The following DOCK10 variants were observed in gnomAD, a reference collection of about 807,000 sequenced individuals.
DOCK10 encodes the protein dedicator of cytokinesis protein 10.
In DOCK10, 145 loss-of-function variants were observed where a neutral mutation model predicts 280.1. That is an observed-to-expected ratio of 0.52 (90% CI 0.45 to 0.59). The LOEUF (loss-of-function observed/expected upper bound fraction) is 0.59, where lower values mean the gene tolerates loss of function less well. Among genes scored for constraint, DOCK10 ranks in the 20% least tolerant of loss-of-function variants. The probability of loss-of-function intolerance (pLI) is 0.00; values close to 1 mark genes in which losing one functional copy is unlikely to be tolerated. For missense variants in DOCK10, 2,368 were observed against 2,651.7 expected (o/e 0.89, Z 2.35); for synonymous variants, 915 against 942.2 (o/e 0.97, Z 0.53).
intron 1 of DOCK10, among the ~76,000 whole-genome samples, chr2:224,964,581 T>C (rs935689099): frequency 4.6e-5 from 7 of 152,200 alleles, no homozygotes; most frequent in African/African-American, 1.7e-4. Context: ...TATAGCTCAC[T>C]GCAGCCTCGA....
chr2:225,036,966 C>G (rs972534697), intron 1 of DOCK10, among the ~76,000 whole-genome samples: 2 of 151,016 alleles, frequency 1.3e-5, no homozygotes, highest in Non-Finnish European at 2.9e-5. Context: ...GTTGTCATCT[C>G]ACATGCATCT....
At chr2:225,007,891 G>A (rs992920039) in intron 1 of DOCK10, among the ~76,000 whole-genome samples, 4 of 152,086 alleles carry the variant, frequency 2.6e-5, no homozygotes, top group Non-Finnish European at 4.4e-5. Flanking sequence ...AAAGAATTAC[G>A]CCTAATTGTG....
chr2:224,971,389 G>A (rs752705550), intron 1 of DOCK10, among the ~76,000 whole-genome samples: 2 of 151,842 alleles, frequency 1.3e-5, no homozygotes, highest in Non-Finnish European at 2.9e-5. Context: ...GAGAGGAGGT[G>A]GGTGGAATGG....
chr2:224,941,906 T>C (rs1037432723), intron 1 of DOCK10, among the ~76,000 whole-genome samples: 1 of 151,368 alleles, frequency 6.6e-6, no homozygotes, highest in African/African-American at 2.4e-5. Flanking sequence ...TAAGGAACCA[T>C]ATAATGAATG....
chr2:224,961,521 T>G (rs1704448780), intron 1 of DOCK10, among the ~76,000 whole-genome samples: 1 of 149,864 alleles, frequency 6.7e-6, no homozygotes, highest in Non-Finnish European at 1.5e-5. Context: ...TTCATTTTTT[T>G]TTTTGAGACG....
At chr2:224,931,502 G>A (rs2126022373) in intron 2 of DOCK10, 47 bp downstream of exon 2, 1 of 1,557,836 alleles carries the variant, frequency 6.4e-7, no homozygotes, top group African/African-American at 1.4e-5. Context: ...ATGACCCAAT[G>A]TGTAGGGCCC....
At chr2:224,871,869 A>G (rs896419678) in intron 11 of DOCK10, among the ~76,000 whole-genome samples, 2 of 152,186 alleles carry the variant, frequency 1.3e-5, no homozygotes, top group African/African-American at 2.4e-5. Flanking sequence ...AGAACTTTGC[A>G]TAATGTGCAC....
At position 224,886,448 on chromosome 2, in the gene DOCK10, T is replaced by C; in HGVS notation, c.489+11A>G. The stretch of plus-strand genomic sequence containing the variant: ...ATGTTTTAAACATCTCACTTTCAAC[T>C]ATTTACTTACTTCATCCTTATCAGC... On this transcript the variant is annotated intron_variant, in intron 5 of 55. Coordinates refer to ENST00000258390, the MANE Select transcript of DOCK10 (RefSeq NM_014689.3). The C allele has an allele frequency of 6.2e-7, 1 of 1,604,022 alleles. No individual in the cohort carries two copies. The highest frequency in any genetic ancestry group is 1.7e-4 in the Middle Eastern group (1 of 6,034).
chr2:224,983,883 C>T (rs1705876334), intron 1 of DOCK10: 1 of 471,054 alleles, frequency 2.1e-6, no homozygotes, highest in South Asian at 1.5e-5. Context: ...ATTTGTCAGA[C>T]TGCCCGGGTG....
At chr2:224,846,695 C>T (rs1696378521) in intron 19 of DOCK10, among the ~76,000 whole-genome samples, 1 of 152,140 alleles carries the variant, frequency 6.6e-6, no homozygotes, top group South Asian at 2.1e-4. Flanking sequence ...TAGGGTTTCA[C>T]CATGTTGGCC....
Position 224,773,274 on chromosome 2 carries a change from A to G in DOCK10, c.6087T>C (p.Ile2029=). 6.2e-7 allele frequency: 1 copy of G among 1,613,936 alleles called. No individual in the cohort carries two copies. The highest frequency in any genetic ancestry group is 1.1e-5 in the South Asian group (1 of 91,074). The change falls in exon 53 of 56, where the codon ATT becomes ATC. Residue 2029 remains isoleucine (I), a synonymous_variant. Transcript: ENST00000258390. ...ISQSSTELNP[I]EVAIDEMSKK... is the part of the protein sequence containing the mutation. ...TGGACATCTCGTCAATTGCCACTTC[A>G]ATTGGATTCAGTTCTGTGCTCGATT...
At chr2:225,003,386 C>T (rs1450921219) in intron 1 of DOCK10, among the ~76,000 whole-genome samples, 1 of 152,146 alleles carries the variant, frequency 6.6e-6, no homozygotes, top group Admixed American at 6.5e-5. Flanking sequence ...TAAACATCCC[C>T]ATGGAGATCC....
intron 45 of DOCK10, among the ~76,000 whole-genome samples, chr2:224,794,112 G>C (rs1559417467): frequency 6.6e-6 from 1 of 152,198 alleles, no homozygotes; most frequent in Non-Finnish European, 1.5e-5. Context: ...CATTTTCAGA[G>C]CAGCCCAAGG....
At chr2:224,766,094 A>G (rs1690065796) in intron 55 of DOCK10, among the ~76,000 whole-genome samples, 1 of 152,212 alleles carries the variant, frequency 6.6e-6, no homozygotes, top group Non-Finnish European at 1.5e-5. Flanking sequence ...TTTGGATGAA[A>G]CTTACAAATA....
intron 19 of DOCK10, among the ~76,000 whole-genome samples, chr2:224,847,085 C>T (rs1696413086): frequency 6.6e-6 from 1 of 152,136 alleles, no homozygotes. Context: ...CGTAGCTATA[C>T]AAATAATGCT....
intron 3 of DOCK10, among the ~76,000 whole-genome samples, chr2:224,906,725 C>T (rs1023413965): frequency 1.3e-4 from 20 of 152,342 alleles, no homozygotes; most frequent in Admixed American, 2.6e-4. Context: ...GTGATCCGCC[C>T]GCCTTGGCCT....
chr2:224,943,208 A>G (rs983974305), intron 1 of DOCK10, among the ~76,000 whole-genome samples: 1 of 152,214 alleles, frequency 6.6e-6, no homozygotes, highest in African/African-American at 2.4e-5. Flanking sequence ...TTTTCATAAC[A>G]CAACTTCAGT....
chr2:224,981,050 G>A (rs1301790157), intron 1 of DOCK10, among the ~76,000 whole-genome samples: 1 of 152,046 alleles, frequency 6.6e-6, no homozygotes, highest in East Asian at 1.9e-4. Context: ...TAAAGAGTGT[G>A]TTAATGTTAT....
At chr2:224,863,320 G>A (rs989478044) in intron 13 of DOCK10, among the ~76,000 whole-genome samples, 20 of 152,274 alleles carry the variant, frequency 1.3e-4, no homozygotes, top group Non-Finnish European at 2.5e-4. Context: ...GCCAAACACT[G>A]AATTATGGGA....
Sources: allele counts gnomAD v4.1 joint callset (sites outside exome capture counted in the v4.1 genomes callset), GRCh38; gene constraint gnomAD v4.1.1; transcripts MANE v1.5; gene names NCBI Gene and HGNC (gene_info 2026-07-23, HGNC 2026-07-21).